UNC45B: variants seen among roughly 807,000 people sequenced by gnomAD.
UNC45B encodes protein unc-45 homolog B.
UNC45B carries 78 observed loss-of-function variants against 98.7 expected under a neutral mutation model. That is an observed-to-expected ratio of 0.79 (90% CI 0.66 to 0.95). UNC45B has a LOEUF of 0.95. UNC45B is among the 40% of genes least tolerant of loss of function. The pLI is 0.00. For missense variants in UNC45B, 1,225 were observed against 1,184.9 expected (o/e 1.03, Z -0.50); for synonymous variants, 462 against 480.4 (o/e 0.96, Z 0.50).
In UNC45B at chr17:35,148,293, G is replaced by T; in HGVS notation, c.30G>T (p.Lys10Asn). Residue 10 changes from lysine (K) to asparagine (N), a missense_variant, in exon 2 of 20, where the codon AAG becomes AAT. Lys to Asn is a moderately conservative substitution (Grantham distance 94). Coordinates refer to ENST00000394570, the MANE Select transcript of UNC45B (RefSeq NM_001267052.2). Reference sequence around the variant, plus strand: ...CAGAGGTGGAAGCGGTACAGCTGAAGGAGGAAGGAAACCGGCATTTCCAGC... The same window carrying T: ...CAGAGGTGGAAGCGGTACAGCTGAATGAGGAAGGAAACCGGCATTTCCAGC... MAEVEAVQL[K>N]EEGNRHFQLQ... The T allele has an allele frequency of 6.2e-7, 1 of 1,614,162 alleles. No individual in the cohort carries two copies. The highest frequency in any genetic ancestry group is 8.5e-7 in the Non-Finnish European group (1 of 1,180,030).
intron 9 of UNC45B, 151 bp from the exon 10 acceptor site, chr17:35,167,910 A>G (rs2092152020): frequency 1.8e-6 from 1 of 557,046 alleles, no homozygotes; most frequent in Non-Finnish European, 2.8e-6. Context: ...ACAGGAGCTG[A>G]GGCTCAGAGA....
At chr17:35,157,275 T>C (rs556574236) in intron 7 of UNC45B, among the ~76,000 whole-genome samples, 3 of 152,328 alleles carry the variant, frequency 2.0e-5, no homozygotes, top group African/African-American at 7.2e-5. Flanking sequence ...AGTCTTGCTC[T>C]GTTGCCCAGG....
intron 8 of UNC45B, among the ~76,000 whole-genome samples, chr17:35,162,953 C>T (rs1001638686): frequency 1.3e-5 from 2 of 152,136 alleles, no homozygotes; most frequent in Non-Finnish European, 2.9e-5. Flanking sequence ...CTCTCTGTTG[C>T]CCCAGAGGCA....
chr17:35,165,255 A>G (rs970669916), intron 9 of UNC45B, among the ~76,000 whole-genome samples: 2 of 152,164 alleles, frequency 1.3e-5, no homozygotes, highest in Admixed American at 6.5e-5. Flanking sequence ...TTTCAAGACT[A>G]AGACTCATGT....
chr17:35,185,253 G>A (rs1404259236), intron 19 of UNC45B, among the ~76,000 whole-genome samples: 1 of 152,044 alleles, frequency 6.6e-6, no homozygotes, highest in Admixed American at 6.6e-5. Flanking sequence ...AGGGTAACAG[G>A]TACAAAGAAG....
chr17:35,154,632 A>G lies in UNC45B; in HGVS notation c.530A>G (p.Gln177Arg). 1 of 1,613,492 alleles carries G rather than the reference A, an allele frequency of 6.2e-7. No individual in the cohort carries two copies. The highest frequency in any genetic ancestry group is 8.5e-7 in the Non-Finnish European group (1 of 1,179,872). ...GAAGCAGGGGCTGAGAAGATCTTCC[A>G]GAACAATGGAGTAGCCTTGCTACTG... ...REEAGAEKIF[Q>R]NNGVALLLQL... is the part of the protein sequence containing the mutation. The change falls in exon 6 of 20, where the codon CAG becomes CGG. Residue 177 changes from glutamine (Q) to arginine (R), a missense_variant. Gln to Arg is a conservative substitution (Grantham distance 43). Coordinates refer to ENST00000394570, the MANE Select transcript of UNC45B (RefSeq NM_001267052.2).
chr17:35,174,449 T>G (rs1220214946), intron 14 of UNC45B, 80 bp downstream of exon 14: 2 of 1,576,774 alleles, frequency 1.3e-6, no homozygotes, highest in Admixed American at 1.8e-5. Flanking sequence ...GGCAGGGAGA[T>G]AGAAATGGTG....
rs570263922 is a variant in UNC45B at position 35,171,527 on chromosome 17, C to T, written c.1830+65C>T. 1.8e-5 allele frequency: 29 copies of T among 1,570,470 alleles called. No homozygotes were observed. In the South Asian group the frequency reaches 2.0e-4, roughly 11 times the overall value. Reference sequence around the variant, plus strand: ...CACTAGGCCTCCAAAGGAGGCGGAACGGCAAAAGGAGTGGTGTCAGGAGTG... The same window carrying T: ...CACTAGGCCTCCAAAGGAGGCGGAATGGCAAAAGGAGTGGTGTCAGGAGTG... On this transcript the variant is annotated intron_variant, in intron 13 of 19. Coordinates refer to ENST00000394570, the MANE Select transcript of UNC45B (RefSeq NM_001267052.2).
At chr17:35,174,219 T>C (rs1276947782) in intron 13 of UNC45B, 23 bp from the exon 14 acceptor site, 4 of 1,613,916 alleles carry the variant, frequency 2.5e-6, no homozygotes, top group South Asian at 1.1e-5. Flanking sequence ...CCCTCCCACA[T>C]TGCCATCTTT....
At chr17:35,176,066 C>G (rs1311486548) in intron 15 of UNC45B, 32 bp downstream of exon 15, 1 of 1,607,712 alleles carries the variant, frequency 6.2e-7, no homozygotes, top group South Asian at 1.1e-5. Flanking sequence ...TAGAAGGTGC[C>G]TTTGTGCATG....
intron 13 of UNC45B, among the ~76,000 whole-genome samples, chr17:35,173,507 C>A (rs1326927752): frequency 6.6e-6 from 1 of 152,096 alleles, no homozygotes; most frequent in Non-Finnish European, 1.5e-5. Context: ...GTTAGCAGGG[C>A]TGGTTTCTTT....
At chr17:35,180,264 G>C (rs1314372502) in intron 17 of UNC45B, among the ~76,000 whole-genome samples, 1 of 150,874 alleles carries the variant, frequency 6.6e-6, no homozygotes, top group African/African-American at 2.4e-5. Context: ...GAGAGAGAGA[G>C]AGAGAGAGAG....
At chr17:35,148,910 C>T (rs2091996057) in intron 2 of UNC45B, 63 bp from the exon 3 acceptor site, 1 of 1,603,146 alleles carries the variant, frequency 6.2e-7, no homozygotes, top group South Asian at 1.1e-5. Flanking sequence ...TGGGGACACT[C>T]TCTGGCCATC....
chr17:35,166,216 C>T (rs868146217), intron 9 of UNC45B, among the ~76,000 whole-genome samples: 8 of 151,712 alleles, frequency 5.3e-5, no homozygotes, highest in Admixed American at 3.3e-4. Context: ...TGCAATGAGC[C>T]TTGAATGCAC....
At chr17:35,177,256 C>T (rs2092241033) in intron 16 of UNC45B, 126 bp downstream of exon 16, 2 of 901,750 alleles carry the variant, frequency 2.2e-6, no homozygotes, top group Non-Finnish European at 3.4e-6. Flanking sequence ...GAGGGTGATG[C>T]ATGGAGGCAC....
At chr17:35,168,824 A>C (rs1377724733) in intron 10 of UNC45B, among the ~76,000 whole-genome samples, 1 of 152,084 alleles carries the variant, frequency 6.6e-6, no homozygotes, top group Non-Finnish European at 1.5e-5. Context: ...CTTGTGCCTC[A>C]GCCCCCAGAG....
chr17:35,155,167 A>G lies in UNC45B; in HGVS notation c.640-129A>G, dbSNP rs1390125807. ...CCAGGACAGAGGGGCCCATGAGGCA[A>G]TGGCTGCCTGGGCTGATTTCTCTAC... is the stretch of plus-strand genomic sequence containing the variant. On this transcript the variant is annotated intron_variant, in intron 6 of 19. Coordinates refer to ENST00000394570, the MANE Select transcript of UNC45B (RefSeq NM_001267052.2). 4.3e-6 allele frequency: 5 copies of G among 1,167,926 alleles called. No individual in the cohort carries two copies. The Admixed American group carries it at 7.9e-5, about 18-fold the overall frequency. 72.3% of individuals were successfully genotyped at this position (1,167,926 alleles called of 1,614,324 possible).
chr17:35,177,682 G>A (rs1378316264), intron 17 of UNC45B, 72 bp downstream of exon 17: 10 of 1,157,860 alleles, frequency 8.6e-6, no homozygotes, highest in Non-Finnish European at 1.3e-5. Flanking sequence ...TTCACATAAT[G>A]TGCTGAGAAT....
In UNC45B at chr17:35,168,232, C is replaced by A; in HGVS notation, c.1323C>A (p.Ala441=). 1 of 1,588,236 alleles carries A rather than the reference C, an allele frequency of 6.3e-7. No homozygotes were observed. The highest frequency in any genetic ancestry group is 8.6e-7 in the Non-Finnish European group (1 of 1,166,420). The change falls in exon 10 of 20, where the codon GCC becomes GCA. Residue 441 remains alanine (A), a synonymous_variant. Coordinates refer to ENST00000394570, the MANE Select transcript of UNC45B (RefSeq NM_001267052.2). ...AGCGCGAGACGGACCAGCTGGTGGCCGTGGAGGCCCTCATCCATGCCTCCA... is the reference window on the plus strand; with the variant it reads ...AGCGCGAGACGGACCAGCTGGTGGCAGTGGAGGCCCTCATCCATGCCTCCA... ...GSERETDQLV[A]VEALIHASTK...
Sources: gnomAD v4.1 joint callset for allele counts (sites outside exome capture counted in the v4.1 genomes callset) on GRCh38, gnomAD v4.1.1 for gene constraint, MANE v1.5 for transcripts, NCBI Gene and HGNC (gene_info 2026-07-23, HGNC 2026-07-21) for gene names.